Variants in KIF7 observed in about 807,000 individuals in gnomAD.
The protein encoded by KIF7 is kinesin-like protein KIF7.
KIF7 carries 104 observed loss-of-function variants against 135.7 expected under a neutral mutation model. The observed-to-expected ratio is 0.77, with a 90% CI of 0.65 to 0.90. The LOEUF is 0.90. Ranked by LOEUF, KIF7 falls within the 40% of genes least tolerant of loss-of-function variation. KIF7 has a pLI of 0.00. For missense variants in KIF7, 2,005 were observed against 1,839.1 expected, an observed-to-expected ratio of 1.09 and a Z score of -1.65; for synonymous variants, 883 against 809.4, an observed-to-expected ratio of 1.09 and a Z score of -1.54.
intron 11 of KIF7, among the ~76,000 whole-genome samples, chr15:89,640,050 C>A (rs183074639): frequency 0.02 from 2,975 of 151,950 alleles, 86 homozygotes; most frequent in African/African-American, 0.064. Flanking sequence ...GAACAAAAAA[C>A]CAAACACTGC....
chr15:89,624,597 C>G (rs1259961455), downstream of KIF7: 10 of 1,613,876 alleles, frequency 6.2e-6, no homozygotes, highest in East Asian at 2.2e-5. Flanking sequence ...GACTGAGCCT[C>G]TCTCCTCAGT....
intron 7 of KIF7, 104 bp downstream of exon 7, chr15:89,646,726 T>C: frequency 1.9e-6 from 2 of 1,050,138 alleles, no homozygotes; most frequent in Non-Finnish European, 3.0e-6. Flanking sequence ...GCCAGTCCCA[T>C]GAAAGCATGA....
At chr15:89,623,946 G>A (rs1348818888), downstream of KIF7, 1 of 1,613,774 alleles carries the variant, frequency 6.2e-7, no homozygotes, top group Non-Finnish European at 8.5e-7. Context: ...ACTGTACTTG[G>A]CCACATTCAG....
intron 10 of KIF7, among the ~76,000 whole-genome samples, chr15:89,643,066 C>G (rs1963950991): frequency 8.1e-6 from 1 of 123,672 alleles, no homozygotes; most frequent in Admixed American, 7.9e-5. Flanking sequence ...AAAAAGCAAA[C>G]AGACAAACCC....
At chr15:89,653,742 TTATTAG>T (rs67242272) in intron 1 of KIF7, among the ~76,000 whole-genome samples, 5,863 of 149,812 alleles carry the variant, frequency 0.039, 207 homozygotes, top group African/African-American at 0.094. Context: ...GCTAATTTTA[TTATTAG>T]TATTAGTATT....
chr15:89,639,160 A>C (rs1206338127), intron 11 of KIF7, among the ~76,000 whole-genome samples: 1 of 152,170 alleles, frequency 6.6e-6, no homozygotes, highest in Non-Finnish European at 1.5e-5. Flanking sequence ...TTAAAGACTT[A>C]AATGTTAGAC....
Position 89,648,609 on chromosome 15 carries a change from C to T in KIF7, c.1089G>A (p.Arg363=). Residue 363 remains arginine (R), a synonymous_variant, in exon 5 of 19, where the codon CGG becomes CGA. Coordinates refer to ENST00000394412, the MANE Select transcript of KIF7 (RefSeq NM_198525.3). Reference sequence around the variant, plus strand: ...CGCCGCTCGCCGTCTCTTCGGGTGGCCGCTCGGCCTCGGGCCGCCAGTTGA... The same window carrying T: ...CGCCGCTCGCCGTCTCTTCGGGTGGTCGCTCGGCCTCGGGCCGCCAGTTGA... The part of the protein sequence containing the change: ...ATVNWRPEAE[R]PPEETASGAR... 6.5e-7 allele frequency: 1 copy of T among 1,532,588 alleles called. No individual in the cohort carries two copies. Among genetic ancestry groups the T allele is most frequent in the Non-Finnish European group, 8.7e-7 (1 of 1,144,548 alleles). The allele number at this position is 1,532,588 out of a possible 1,614,324, so 94.9% of individuals were successfully genotyped here.
chr15:89,623,604 T>C (rs770981918), downstream of KIF7: 7 of 1,586,600 alleles, frequency 4.4e-6, no homozygotes, highest in South Asian at 6.9e-5. Flanking sequence ...AGGACTGAAA[T>C]AAGCATTTCT....
Position 89,632,835 on chromosome 15 carries a change from G to C in KIF7, c.2880C>G (p.Arg960=), listed in dbSNP as rs761354914. 1.3e-5 allele frequency: 21 copies of C among 1,606,498 alleles called. No individual in the cohort carries two copies. In the South Asian group the frequency reaches 2.2e-4, roughly 17 times the overall value. ...MQEKTGLESK[R]LRSSQALNED... is the part of the protein sequence containing the mutation. ...AGGGCCTCACCTGGCTGGATCTCAG[G>C]CGCTTGCTCTCCAGCCCCGTCTTCT... Residue 960 remains arginine (R), a synonymous_variant, in exon 14 of 19, where the codon CGC becomes CGG. Coordinates refer to ENST00000394412, the MANE Select transcript of KIF7 (RefSeq NM_198525.3).
At position 89,629,396 on chromosome 15, in the gene KIF7, G is replaced by C. The variant is rs1963620600; in HGVS notation, c.3496C>G (p.Leu1166Val). Residue 1166 changes from leucine to valine, a missense_variant, in exon 17 of 19, where the codon CTG (leucine) becomes GTG (valine). Transcript: ENST00000394412. The part of the protein sequence containing the change: ...QQKEHEQNMQ[L>V]LLQQSRDHLG... ...TCACCTCGACTCTGCTGCAGGAGCA[G>C]CTGCATGTTCTGCTCGTGCTCCTTC... is the stretch of plus-strand genomic sequence containing the variant. The C allele has an allele frequency of 6.2e-7, 1 of 1,601,614 alleles. No homozygotes were observed. The highest frequency in any genetic ancestry group is 8.5e-7 in the Non-Finnish European group (1 of 1,177,848).
rs982185926 is a variant in KIF7, at chr15:89,655,417, C to A, written c.-43G>T. 14 of 152,234 alleles carry A rather than the reference C, an allele frequency of 9.2e-5. No individual in the cohort carries two copies. Among genetic ancestry groups the A allele is most frequent in the Non-Finnish European group, 1.5e-4 (10 of 68,062 alleles). The allele number at this position is 152,234 out of a possible 1,614,324, so 9.4% of individuals were successfully genotyped here. ...CACTCACCTGCCTGGCTGCAAGCGCCGTCCCGGGCCAGGCAGTCAGGTTTC... is the reference window on the plus strand; with the variant it reads ...CACTCACCTGCCTGGCTGCAAGCGCAGTCCCGGGCCAGGCAGTCAGGTTTC... On this transcript the variant is annotated 5_prime_UTR_variant, in exon 1 of 19. Coordinates refer to ENST00000394412, the MANE Select transcript of KIF7 (RefSeq NM_198525.3).
At chr15:89,645,810 G>A in intron 8 of KIF7, 83 bp downstream of exon 8, 1 of 1,530,078 alleles carries the variant, frequency 6.5e-7, no homozygotes, top group Non-Finnish European at 8.8e-7. Context: ...GCTGTCAGGA[G>A]AGGAGACGGT....
chr15:89,630,258 A>C, intron 16 of KIF7, 29 bp downstream of exon 16: 2 of 1,607,554 alleles, frequency 1.2e-6, no homozygotes, highest in Non-Finnish European at 1.7e-6. Flanking sequence ...GCTGAGGAGG[A>C]GCTGGGGGGC....
At position 89,646,952 on chromosome 15, in the gene KIF7, G is replaced by C; in HGVS notation, c.1666C>G (p.Pro556Ala). The change falls in exon 7 of 19, where the codon CCC becomes GCC. Residue 556 changes from proline to alanine, a missense_variant. Pro to Ala is a conservative substitution (Grantham distance 27, BLOSUM62 -1). Coordinates refer to ENST00000394412, the MANE Select transcript of KIF7 (RefSeq NM_198525.3). ...GGPRLLNGLP[P>A]GSFVPRPHTA... ...TGAGGTCGAGGCACAAAGGACCCGG[G>C]AGGCAGGCCATTCAGGAGCCGCGGG... 6.2e-7 allele frequency: 1 copy of C among 1,613,800 alleles called. No homozygotes were observed. Among genetic ancestry groups the C allele is most frequent in the Non-Finnish European group, 8.5e-7 (1 of 1,179,914 alleles).
intron 15 of KIF7, 96 bp from the exon 16 acceptor site, chr15:89,630,589 G>A: frequency 9.5e-7 from 1 of 1,049,382 alleles, no homozygotes; most frequent in Non-Finnish European, 1.4e-6. Flanking sequence ...CCACAACTGG[G>A]CCTTAAGGGT....
At chr15:89,622,797 C>T in intron 1 of KIF7, among the ~76,000 whole-genome samples, 1 of 152,182 alleles carries the variant, frequency 6.6e-6, no homozygotes, top group Non-Finnish European at 1.5e-5. Flanking sequence ...TCTATGCCTA[C>T]AGGCCGCCAC....
exon 2 of KIF7, chr15:89,618,036 GGT>G: frequency 9.6e-7 from 1 of 1,040,656 alleles, no homozygotes; most frequent in Non-Finnish European, 1.5e-6. Flanking sequence ...TACCAGCACT[GGT>G]GTTATCAGAC....
chr15:89,641,178 C>G (rs910608699), intron 11 of KIF7, among the ~76,000 whole-genome samples: 6 of 151,856 alleles, frequency 4.0e-5, no homozygotes, highest in Non-Finnish European at 8.8e-5. Context: ...GGCCCTAATC[C>G]AGTATGACCA....
chr15:89,626,931 G>C, downstream of KIF7: 3 of 1,611,080 alleles, frequency 1.9e-6, no homozygotes, highest in Non-Finnish European at 2.5e-6. Flanking sequence ...ACTCCTGCAT[G>C]CTAAGCCTTT....
Sources: gnomAD v4.1 joint callset for allele counts (sites outside exome capture counted in the v4.1 genomes callset) on GRCh38, gnomAD v4.1.1 for gene constraint, MANE v1.5 for transcripts, NCBI Gene and HGNC (gene_info 2026-07-23, HGNC 2026-07-21) for gene names.